DNAH5: variants seen among roughly 807,000 people sequenced by gnomAD.
DNAH5 encodes axonemal beta dynein heavy chain 5.
A neutral mutation model predicts 518.2 loss-of-function variants in DNAH5; 372 were observed. The ratio of observed to expected loss-of-function variants is 0.72; its 90% CI spans 0.66 to 0.78. The LOEUF (loss-of-function observed/expected upper bound fraction) is 0.78. Ranked by LOEUF, DNAH5 falls within the 30% of genes least tolerant of loss-of-function variation. The pLI, the probability that DNAH5 is intolerant of heterozygous loss-of-function variation, is 0.00. For missense variants in DNAH5, 5,523 were observed against 5,687.0 expected, an observed-to-expected ratio of 0.97 and a Z score of 0.93; for synonymous variants, 2,039 against 2,025.9, an observed-to-expected ratio of 1.01 and a Z score of -0.17.
intron 65 of DNAH5, among the ~76,000 whole-genome samples, chr5:13,741,685 C>A (rs1246885488): frequency 6.6e-6 from 1 of 152,116 alleles, no homozygotes; most frequent in Non-Finnish European, 1.5e-5. Flanking sequence ...AAATTTCACA[C>A]ACTATCACTA....
intron 22 of DNAH5, among the ~76,000 whole-genome samples, chr5:13,875,727 A>G (rs1198383260): frequency 2.0e-5 from 3 of 152,308 alleles, no homozygotes; most frequent in African/African-American, 7.2e-5. Flanking sequence ...CTAGATAAAT[A>G]TTTATTGAGT....
At position 13,920,559 on chromosome 5, in the gene DNAH5, T is replaced by C; in HGVS notation, c.719A>G (p.Tyr240Cys). Residue 240 changes from tyrosine (Y) to cysteine (C), a missense_variant, in exon 6 of 79, where the codon TAC becomes TGC. Physicochemically the swap from Tyr to Cys is radical, Grantham distance 194 (BLOSUM62 -2). Around this residue, in one of 3 missense-constraint regions of DNAH5, gnomAD observed 5,121 missense variants for 5,223.3 expected, o/e 0.98. Coordinates refer to ENST00000265104, the MANE Select transcript of DNAH5 (RefSeq NM_001369.3). Reference protein sequence around the residue: ...ELKTLKEPTDYLTLANNPETL... With the variant: ...ELKTLKEPTDCLTLANNPETL... ...CTCAGGGTTATTTGCTAGAGTCAAG[T>C]AGTCCGTAGGTTCCTTTAGGGTTTT... 6.2e-7 allele frequency: 1 copy of C among 1,614,178 alleles called. No individual in the cohort carries two copies. The highest frequency in any genetic ancestry group is 1.1e-5 in the South Asian group (1 of 91,080).
chr5:13,788,682 T>C, intron 51 of DNAH5, 34 bp downstream of exon 51: 2 of 1,574,618 alleles, frequency 1.3e-6, no homozygotes, highest in Non-Finnish European at 1.7e-6. Context: ...GGAACACCTT[T>C]TGGGGAATTC....
rs564549601 is a variant in DNAH5 at position 13,796,886 on chromosome 5, A to T, written c.7888-2828T>A. ...CAATGGAACAGAACAGAGGCCTCAG[A>T]AATAACACCACACATCTACAACCAT... On this transcript the variant is annotated intron_variant, in intron 47 of 78. Transcript: ENST00000265104. Among the ~76,000 whole-genome samples, 3 of 152,316 alleles carry T rather than the reference A, an allele frequency of 2.0e-5. No individual in the cohort carries two copies. In the South Asian group the frequency reaches 6.2e-4, roughly 32 times the overall value.
chr5:13,700,588 T>G (rs947808960), intron 78 of DNAH5, 52 bp downstream of exon 78: 1 of 1,499,288 alleles, frequency 6.7e-7, no homozygotes, highest in African/African-American at 1.4e-5. Context: ...GTGTTGATAA[T>G]GTCATCCAAA....
chr5:13,885,990 C>T lies in DNAH5; in HGVS notation c.2717G>A (p.Ser906Asn). The part of the protein sequence containing the change: ...EESEKISNEN[S>N]VNYKNESSAK... The stretch of plus-strand genomic sequence containing the variant: ...TGAACTTTCATTTTTGTAATTAACA[C>T]TATTCTCATTGGATATTTTTTCACT... Residue 906 changes from serine (S) to asparagine (N), a missense_variant, in exon 18 of 79, where the codon AGT (serine) becomes AAT (asparagine). Ser to Asn is a conservative substitution (Grantham distance 46). Transcript: ENST00000265104. 1 of 1,612,716 alleles carries T rather than the reference C, an allele frequency of 6.2e-7. No homozygotes were observed. Among genetic ancestry groups the T allele is most frequent in the East Asian group, 2.2e-5 (1 of 44,854 alleles).
chr5:14,006,180 T>C (rs408130), intron 1 of DNAH5, among the ~76,000 whole-genome samples: 112,450 of 152,104 alleles, frequency 0.74, 41,921 homozygotes, highest in East Asian at 0.97. Flanking sequence ...AGTTCATCCC[T>C]GACATATACT....
chr5:13,843,594 TG>T (rs1765567445), intron 32 of DNAH5, among the ~76,000 whole-genome samples: 1 of 152,202 alleles, frequency 6.6e-6, no homozygotes, highest in African/African-American at 2.4e-5. Context: ...ACATTTCTGT[TG>T]TTTTAAGCCA....
At position 13,753,399 on chromosome 5, in the gene DNAH5, T is replaced by C. The variant is rs772964691; in HGVS notation, c.10706A>G (p.Asp3569Gly). ...GTTCCATTCACTAATAGTAGGAGCA[T>C]CAATCAACATCTCACTGAGATTTAG... ...KNLNLSEMLI[D>G]APTISEWNLQ... The change falls in exon 63 of 79, where the codon GAT becomes GGT. Residue 3569 changes from aspartate to glycine, a missense_variant. Transcript: ENST00000265104. The C allele has an allele frequency of 6.2e-7, 1 of 1,614,040 alleles. No homozygotes were observed. Among genetic ancestry groups the C allele is most frequent in the African/African-American group, 1.3e-5 (1 of 75,034 alleles).
chr5:13,990,414 G>A (rs1248099729), intron 1 of DNAH5, among the ~76,000 whole-genome samples: 2 of 151,978 alleles, frequency 1.3e-5, no homozygotes, highest in South Asian at 2.1e-4. Context: ...TTAGCTGGGC[G>A]TGGTGGCGGG....
chr5:13,807,334 T>C (rs1204797920), intron 47 of DNAH5, among the ~76,000 whole-genome samples: 1 of 152,226 alleles, frequency 6.6e-6, no homozygotes, highest in Non-Finnish European at 1.5e-5. Flanking sequence ...CAGTATTTTC[T>C]ACATAGATAT....
chr5:13,712,415 G>C (rs1561091657), intron 75 of DNAH5, among the ~76,000 whole-genome samples: 1 of 152,146 alleles, frequency 6.6e-6, no homozygotes, highest in African/African-American at 2.4e-5. Flanking sequence ...CTTAGGCAAG[G>C]ATTTCATGAC....
intron 37 of DNAH5, 76 bp downstream of exon 37, chr5:13,829,950 G>T: frequency 7.3e-6 from 10 of 1,363,624 alleles, no homozygotes; most frequent in African/African-American, 1.4e-5. Context: ...GAAAACAGAT[G>T]ACATATGACC....
rs184329903 is a variant in DNAH5 at position 13,746,651 on chromosome 5, A to T, written c.11211+4427T>A. Among the ~76,000 whole-genome samples, 209 of 152,270 alleles carry T rather than the reference A, an allele frequency of 1.4e-3. 1 individual carries two copies. The highest frequency in any genetic ancestry group is 4.8e-3 in the African/African-American group (201 of 41,556). On this transcript the variant is annotated intron_variant, in intron 65 of 78. Coordinates refer to ENST00000265104, the MANE Select transcript of DNAH5 (RefSeq NM_001369.3). ...ATTTACAACAGGTAGGATATGAAAT[A>T]TGGGAGGCAATTAGTATTAACAGCA...
rs773382211 is a variant in DNAH5, at chr5:13,914,523, T to A, written c.1317A>T (p.Lys439Asn). The A allele has an allele frequency of 6.2e-7, 1 of 1,612,916 alleles. No homozygotes were observed. Among genetic ancestry groups the A allele is most frequent in the East Asian group, 2.2e-5 (1 of 44,820 alleles). Reference sequence around the variant, plus strand: ...TAAATACTAAACTGACCATTACCTGTTTCAGTTTAATCGCAGATAGTATTT... The same window carrying A: ...TAAATACTAAACTGACCATTACCTGATTCAGTTTAATCGCAGATAGTATTT... ...EEKILSAIKL[K>N]QEYQLCFHKT... Residue 439 changes from lysine to asparagine, a missense_variant, in exon 10 of 79, where the codon AAA becomes AAT. By Grantham distance (94) the Lys-to-Asn change is moderately conservative. Transcript: ENST00000265104.
Position 13,716,819 on chromosome 5 carries a change from G to GA in DNAH5, c.12706-130dup, listed in dbSNP as rs1376950087. 4.1e-6 allele frequency: 3 copies of GA among 726,198 alleles called. No individual in the cohort carries two copies. In the African/African-American group the frequency reaches 5.2e-5, roughly 13 times the overall value. 45.0% of individuals were successfully genotyped at this position (726,198 alleles called of 1,614,324 possible). A position where few individuals can be genotyped will look rare whatever the true frequency, so the allele number is the denominator to read the frequency against. On this transcript the variant is annotated intron_variant, in intron 73 of 78. Transcript: ENST00000265104. ...TCACTCTTCATCAGTACTGCAAAGA[G>GA]AAAGTGCAGAAAGAAAAGTAAAAAG...
chr5:13,717,560 A>G (rs1177326834), intron 72 of DNAH5, 40 bp from the exon 73 acceptor site: 1 of 1,494,556 alleles, frequency 6.7e-7, no homozygotes. Context: ...TCATCTCTCA[A>G]ATGTCTTTAT....
At chr5:13,723,790 A>G (rs1178708393) in intron 70 of DNAH5, among the ~76,000 whole-genome samples, 1 of 152,232 alleles carries the variant, frequency 6.6e-6, no homozygotes, top group Non-Finnish European at 1.5e-5. Context: ...CCAGCTGAGC[A>G]TAAACAGACA....
At chr5:14,009,155 T>A (rs537888970) in intron 1 of DNAH5, among the ~76,000 whole-genome samples, 1 of 152,270 alleles carries the variant, frequency 6.6e-6, no homozygotes, top group Admixed American at 6.5e-5. Flanking sequence ...AGAAAGGCCA[T>A]AAGAAGCAAA....
Sources: allele counts gnomAD v4.1 joint callset (sites outside exome capture counted in the v4.1 genomes callset), GRCh38; gene constraint gnomAD v4.1.1; regional missense constraint gnomAD v4.1.1; transcripts MANE v1.5; gene names NCBI Gene and HGNC (gene_info 2026-07-23, HGNC 2026-07-21).